The following PLEKHG1 variants were observed in gnomAD, a reference collection of about 807,000 sequenced individuals.
PLEKHG1 encodes pleckstrin homology and RhoGEF domain containing G1, also known as pleckstrin homology domain-containing family G member 1.
PLEKHG1 carries 44 observed loss-of-function variants against 100.8 expected under a neutral mutation model. That is an observed-to-expected ratio of 0.44 (90% CI 0.34 to 0.56). The LOEUF (loss-of-function observed/expected upper bound fraction) is 0.56. Ranked by LOEUF, PLEKHG1 falls within the 20% of genes least tolerant of loss-of-function variation. The probability of loss-of-function intolerance (pLI) is 0.01; values close to 1 mark genes in which losing one functional copy is unlikely to be tolerated. For synonymous variants in PLEKHG1, 640 were observed against 662.5 expected, an observed-to-expected ratio of 0.97 and a Z score of 0.52; for missense variants, 1,545 against 1,720.9, an observed-to-expected ratio of 0.90 and a Z score of 1.81.
At position 150,642,159 on chromosome 6, in the gene PLEKHG1, A is replaced by G. The variant is rs568318616; in HGVS notation, c.-158+4034A>G. 7.9e-5 allele frequency among the ~76,000 whole-genome samples: 12 copies of G among 152,324 alleles called. No homozygotes were observed. The South Asian group carries it at 2.5e-3, about 32-fold the overall frequency. Reference sequence around the variant, plus strand: ...TCCCCTTATTAAATCTATTTGACTTATGAGATAGTACAACTTTGGAAACCA... The same window carrying G: ...TCCCCTTATTAAATCTATTTGACTTGTGAGATAGTACAACTTTGGAAACCA... On this transcript the variant is annotated intron_variant, in intron 2 of 3. Coordinates refer to the PLEKHG1 transcript ENST00000367326.
chr6:150,669,414 C>T (rs529573153), intron 3 of PLEKHG1, among the ~76,000 whole-genome samples: 6 of 152,118 alleles, frequency 3.9e-5, no homozygotes, highest in African/African-American at 1.4e-4. Flanking sequence ...TCAGCTTGAA[C>T]CCATAAGGCT....
At chr6:150,826,800 G>A (rs1366152314) in intron 14 of PLEKHG1, among the ~76,000 whole-genome samples, 6 of 151,826 alleles carry the variant, frequency 4.0e-5, no homozygotes, top group Admixed American at 3.9e-4. Context: ...GCGCCACCAC[G>A]CCCGGCTAAC....
intron 7 of PLEKHG1, among the ~76,000 whole-genome samples, chr6:150,806,449 C>G (rs1787108441): frequency 6.6e-6 from 1 of 151,946 alleles, no homozygotes; most frequent in African/African-American, 2.4e-5. Context: ...CTTTGGGAGG[C>G]CGAGGCAGGC....
chr6:150,836,897 C>T (rs1164615431), intron 15 of PLEKHG1, among the ~76,000 whole-genome samples: 1 of 151,560 alleles, frequency 6.6e-6, no homozygotes, highest in Non-Finnish European at 1.5e-5. Flanking sequence ...TGCAGTGACT[C>T]ACACCTGTAA....
intron 3 of PLEKHG1, among the ~76,000 whole-genome samples, chr6:150,678,181 A>G (rs1779826795): frequency 6.7e-6 from 1 of 149,562 alleles, no homozygotes; most frequent in African/African-American, 2.5e-5. Flanking sequence ...TTTGAGGTCT[A>G]CAATACGTTA....
At chr6:150,620,543 A>G (rs1777256218) in intron 1 of PLEKHG1, among the ~76,000 whole-genome samples, 1 of 152,214 alleles carries the variant, frequency 6.6e-6, no homozygotes, top group African/African-American at 2.4e-5. Flanking sequence ...ACACCCACTT[A>G]TTCCAACTGG....
At chr6:150,700,823 C>T (rs1780742687) in intron 3 of PLEKHG1, among the ~76,000 whole-genome samples, 1 of 152,150 alleles carries the variant, frequency 6.6e-6, no homozygotes. Context: ...TAGTCTAATA[C>T]AGGCAAAACA....
At chr6:150,624,574 G>A (rs1777434234) in intron 1 of PLEKHG1, 1 of 152,184 alleles carries the variant, frequency 6.6e-6, no homozygotes, top group Non-Finnish European at 1.5e-5. Flanking sequence ...ATAGCCATCA[G>A]TTCTTCATCC....
intron 15 of PLEKHG1, among the ~76,000 whole-genome samples, chr6:150,833,574 A>G (rs570193165): frequency 7.5e-4 from 114 of 152,326 alleles, no homozygotes; most frequent in Non-Finnish European, 1.4e-3. Context: ...TCTCTGGGGA[A>G]GAGCCTAGCT....
rs553862433 is a variant in PLEKHG1, at chr6:150,789,134, A to G, written c.582+2675A>G. On this transcript the variant is annotated intron_variant, in intron 4 of 15. Transcript: ENST00000358517. ...ATTGCTTTACTGTGGCTACCTATTC[A>G]ATAAATATTTGAGAGACTTAGGTGC... 3.3e-5 allele frequency among the ~76,000 whole-genome samples: 5 copies of G among 152,340 alleles called. No individual in the cohort carries two copies. The South Asian group carries it at 6.2e-4, about 19-fold the overall frequency.
At chr6:150,791,827 G>A (rs1786001936) in intron 4 of PLEKHG1, among the ~76,000 whole-genome samples, 1 of 152,126 alleles carries the variant, frequency 6.6e-6, no homozygotes, top group South Asian at 2.1e-4. Context: ...ACTGTATCCG[G>A]TTGGTGGCAT....
At chr6:150,638,936 G>C (rs1453856818) in intron 2 of PLEKHG1, among the ~76,000 whole-genome samples, 1 of 152,184 alleles carries the variant, frequency 6.6e-6, no homozygotes, top group African/African-American at 2.4e-5. Flanking sequence ...TTAGACTTAA[G>C]TTTAAAGAGT....
At chr6:150,659,721 CAGTT>C (rs1227942410) in intron 3 of PLEKHG1, among the ~76,000 whole-genome samples, 6 of 152,200 alleles carry the variant, frequency 3.9e-5, no homozygotes, top group African/African-American at 1.2e-4. Flanking sequence ...GTTGCTGTAT[CAGTT>C]AGCCTCTGAA....
intron 10 of PLEKHG1, among the ~76,000 whole-genome samples, chr6:150,810,468 AAAAGAAAG>A (rs1192223943): frequency 1.5e-5 from 2 of 132,966 alleles, no homozygotes; most frequent in South Asian, 2.2e-4. Context: ...TGTCTCAAAA[AAAAGAAAG>A]AAAGAAAGAA....
In PLEKHG1 at chr6:150,821,996, C is replaced by A. The variant is rs143243506; in HGVS notation, c.1447+763C>A. Among the ~76,000 whole-genome samples the A allele has an allele frequency of 4.0e-5, 6 of 150,624 alleles. No individual in the cohort carries two copies. The East Asian group carries it at 1.2e-3, about 30-fold the overall frequency. ...AGCTGGGATTACAAGCATGTGCCAC[C>A]GCGCCTGGCTAATTTTGTATTTTTA... On this transcript the variant is annotated intron_variant, in intron 13 of 15. Coordinates refer to ENST00000358517, the Ensembl canonical transcript of PLEKHG1.
At chr6:150,757,478 T>C (rs1397951420) in intron 2 of PLEKHG1, among the ~76,000 whole-genome samples, 1 of 152,192 alleles carries the variant, frequency 6.6e-6, no homozygotes, top group East Asian at 1.9e-4. Flanking sequence ...AAGCCATCAG[T>C]GTATTAAAAT....
intron 2 of PLEKHG1, among the ~76,000 whole-genome samples, chr6:150,644,031 G>A (rs1426047667): frequency 6.6e-6 from 1 of 152,112 alleles, no homozygotes. Context: ...AGAAATGGAT[G>A]TTTGTACATA....
At position 150,839,111 on chromosome 6, in the gene PLEKHG1, TTTTG is replaced by T. The variant is rs539424188; in HGVS notation, c.3095-710_3095-707del. ...TTGTGGATTGTGGCCATGCTGCTTTTTTTGTTTGTTTGTTTTTGTTTTAGATGGA... is the reference window on the plus strand; with the variant it reads ...TTGTGGATTGTGGCCATGCTGCTTTTTTTGTTTGTTTTTGTTTTAGATGGA... On this transcript the variant is annotated intron_variant, in intron 15 of 15. Transcript: ENST00000358517. 4.5e-4 allele frequency among the ~76,000 whole-genome samples: 68 copies of T among 152,144 alleles called. No individual in the cohort carries two copies. In the Middle Eastern group the frequency reaches 0.014, roughly 30 times the overall value.
intron 1 of PLEKHG1, among the ~76,000 whole-genome samples, chr6:150,623,143 C>T (rs570335074): frequency 6.6e-6 from 1 of 152,126 alleles, no homozygotes; most frequent in South Asian, 2.1e-4. Context: ...CTTCTCCCTA[C>T]CCCAGGCCTC....
Sources: gnomAD v4.1 joint callset for allele counts (sites outside exome capture counted in the v4.1 genomes callset) on GRCh38, gnomAD v4.1.1 for gene constraint, MANE v1.5 for transcripts, NCBI Gene and HGNC (gene_info 2026-07-23, HGNC 2026-07-21) for gene names.